Variants in ABCA7 observed in about 807,000 individuals in gnomAD.
ABCA7 encodes phospholipid-transporting ATPase ABCA7.
A neutral mutation model predicts 227.6 loss-of-function variants in ABCA7; 261 were observed. That is an observed-to-expected ratio of 1.15 (90% CI 1.04 to 1.27). ABCA7 has a LOEUF of 1.27. ABCA7 is among the 50% of genes most tolerant of loss of function. The pLI, the probability that ABCA7 is intolerant of heterozygous loss-of-function variation, is 0.00. For missense variants in ABCA7, 3,331 were observed against 2,924.5 expected (o/e 1.14, Z -3.21); for synonymous variants, 1,488 against 1,279.7 (o/e 1.16, Z -3.47).
chr19:1,046,083 G>C (rs1039963856), intron 12 of ABCA7, 147 bp from the exon 13 acceptor site: 1 of 892,996 alleles, frequency 1.1e-6, no homozygotes, highest in African/African-American at 1.7e-5. Flanking sequence ...ATCCCGGGAG[G>C]TCAAGGCTGC....
At chr19:1,048,494 CT>C (rs1194303605) in intron 16 of ABCA7, among the ~76,000 whole-genome samples, 1 of 50,166 alleles carries the variant, frequency 2.0e-5, no homozygotes, top group Non-Finnish European at 3.3e-5. Context: ...GAAACTCAGT[CT>C]CAAAAAAAAA....
intron 16 of ABCA7, 71 bp from the exon 17 acceptor site, chr19:1,048,815 AAAAAAAAAC>A: frequency 2.5e-6 from 2 of 809,374 alleles, no homozygotes; most frequent in East Asian, 3.1e-5. Context: ...TCTCAAAAAA[AAAAAAAAAC>A]AAAACCCCAA....
chr19:1,052,134 C>A lies in ABCA7; in HGVS notation c.3147+8C>A, dbSNP rs113052602. The A allele has an allele frequency of 3.7e-6, 6 of 1,611,522 alleles. No individual in the cohort carries two copies. Among genetic ancestry groups the A allele is most frequent in the Non-Finnish European group, 5.1e-6 (6 of 1,179,504 alleles). On this transcript the variant is annotated splice_region_variant and intron_variant, in intron 22 of 46. Coordinates refer to ENST00000263094, the MANE Select transcript of ABCA7 (RefSeq NM_019112.4). ...CTGACCACCAATGAGAAGGTGGGGA[C>A]CGGCCTTCTCCTGACCCCTGACCCC...
intron 13 of ABCA7, 45 bp from the exon 14 acceptor site, chr19:1,046,757 T>C: frequency 1.3e-6 from 2 of 1,487,854 alleles, no homozygotes; most frequent in East Asian, 5.0e-5. Flanking sequence ...GGAGGGGGGG[T>C]CTGCGGAGGG....
At chr19:1,055,496 C>CCA in intron 30 of ABCA7, 145 bp downstream of exon 30, 25 of 800,328 alleles carry the variant, frequency 3.1e-5, no homozygotes, top group Admixed American at 4.1e-5. Context: ...ACCTTCCTTT[C>CCA]CTCTTTTTTT....
chr19:1,055,963 T>A, intron 31 of ABCA7, 24 bp downstream of exon 31: 1 of 1,577,240 alleles, frequency 6.3e-7, no homozygotes, highest in Non-Finnish European at 8.6e-7. Flanking sequence ...TAGCTTGGGG[T>A]CCCCTGCCCC....
rs541206453 is a variant in ABCA7, at chr19:1,041,955, C to T, written c.285C>T (p.Ser95=). 2 of 1,587,498 alleles carry T rather than the reference C, an allele frequency of 1.3e-6. No homozygotes were observed. The highest frequency in any genetic ancestry group is 1.4e-5 in the African/African-American group (1 of 74,056). Residue 95 remains serine, a synonymous_variant, in exon 4 of 47, where the codon AGC becomes AGT. Transcript: ENST00000263094. ...CGGGCGAGGAGCCCGGGCGCCTGAGCAACTTCAACGACTCCCTGTGAGCCA... is the reference window on the plus strand; with the variant it reads ...CGGGCGAGGAGCCCGGGCGCCTGAGTAACTTCAACGACTCCCTGTGAGCCA... The part of the protein sequence containing the change: ...LTPGEEPGRL[S]NFNDSLVSRL...
At chr19:1,061,422 T>C (rs1384807306) in intron 40 of ABCA7, among the ~76,000 whole-genome samples, 1 of 111,560 alleles carries the variant, frequency 9.0e-6, no homozygotes, top group Admixed American at 9.3e-5. Context: ...AGAGGCTGGG[T>C]GCCGTGGCTC....
Position 1,045,124 on chromosome 19 carries a change from T to C in ABCA7, c.1338T>C (p.Ser446=). The change falls in exon 12 of 47, where the codon TCT becomes TCC. Residue 446 remains serine (S), a synonymous_variant. Transcript: ENST00000263094. ...AGVVFLGPED[S]SDPTEHPTPD... Reference sequence around the variant, plus strand: ...TCGTCTTCTTGGGACCTGAGGACTCTTCAGACCCCACAGAGCACCCAACCC... The same window carrying C: ...TCGTCTTCTTGGGACCTGAGGACTCCTCAGACCCCACAGAGCACCCAACCC... 6.2e-7 allele frequency: 1 copy of C among 1,612,914 alleles called. No homozygotes were observed. The highest frequency in any genetic ancestry group is 8.5e-7 in the Non-Finnish European group (1 of 1,179,984).
Position 1,057,966 on chromosome 19 carries a change from C to T in ABCA7, c.4932C>T (p.Pro1644=), listed in dbSNP as rs773974306. ...CAGCCTCCTTCTTCTTCTCCGTGCCCAGCACAGCCTATGTGGTGCTCACCT... is the reference window on the plus strand; with the variant it reads ...CAGCCTCCTTCTTCTTCTCCGTGCCTAGCACAGCCTATGTGGTGCTCACCT... ...MYPASFFFSV[P]STAYVVLTCI... is the part of the protein sequence containing the mutation. Residue 1644 remains proline (P), a synonymous_variant, in exon 36 of 47, where the codon CCC becomes CCT. Transcript: ENST00000263094. The T allele has an allele frequency of 6.2e-6, 10 of 1,614,028 alleles. No homozygotes were observed. Among genetic ancestry groups the T allele is most frequent in the South Asian group, 3.3e-5 (3 of 91,080 alleles).
intron 40 of ABCA7, among the ~76,000 whole-genome samples, chr19:1,060,981 C>T (rs932943005): frequency 2.0e-5 from 3 of 152,182 alleles, no homozygotes; most frequent in Non-Finnish European, 4.4e-5. Context: ...TTATAGGGTA[C>T]CCACTGTGTG....
intron 3 of ABCA7, 110 bp downstream of exon 3, chr19:1,041,713 T>C: frequency 6.3e-7 from 1 of 1,577,274 alleles, no homozygotes; most frequent in Non-Finnish European, 8.6e-7. Context: ...AGGCCGCCAA[T>C]ACATGGCATG....
In ABCA7 at chr19:1,043,712, G is replaced by A. The variant is rs764418887; in HGVS notation, c.931-13G>A. ...GAGGAGAGGGTCATCAGTGGAGGGG[G>A]TGCTGTCCACAGGTGAACCGGACCT... On this transcript the variant is annotated splice_polypyrimidine_tract_variant and intron_variant, in intron 9 of 46. Transcript: ENST00000263094. 6.2e-7 allele frequency: 1 copy of A among 1,607,742 alleles called. No homozygotes were observed. Among genetic ancestry groups the A allele is most frequent in the Non-Finnish European group, 8.5e-7 (1 of 1,178,900 alleles).
In ABCA7 at chr19:1,054,523, A is replaced by G. The variant is rs927936946; in HGVS notation, c.3727-47A>G. ...GCAGGAGCAGGGACAGGTGCAAGCAAGCCTGGAGGGTGGATGGAAGCAGCA... is the reference window on the plus strand; with the variant it reads ...GCAGGAGCAGGGACAGGTGCAAGCAGGCCTGGAGGGTGGATGGAAGCAGCA... On this transcript the variant is annotated intron_variant, in intron 27 of 46. Transcript: ENST00000263094. This position sits in a 1 kb window ranked among gnomAD's most constrained non-coding sequence, Gnocchi z 4.8. The G allele has an allele frequency of 6.3e-7, 1 of 1,593,812 alleles. No individual in the cohort carries two copies. The highest frequency in any genetic ancestry group is 8.6e-7 in the Non-Finnish European group (1 of 1,168,360).
intron 12 of ABCA7, 137 bp downstream of exon 12, chr19:1,045,368 A>G: frequency 5.4e-6 from 5 of 926,558 alleles, no homozygotes; most frequent in African/African-American, 3.3e-5. Context: ...TATGGTAGCC[A>G]GAGCCCGGGG....
rs536820757 is a variant in ABCA7, at chr19:1,049,288, C to T, written c.2403C>T (p.Pro801=). 50 of 1,609,114 alleles carry T rather than the reference C, an allele frequency of 3.1e-5. No homozygotes were observed. The highest frequency in any genetic ancestry group is 5.0e-5 in the Admixed American group (3 of 59,762). ...DPKVLVEEAP[P]GLSPGVSVRS... Reference sequence around the variant, plus strand: ...CAGTGCTGGTAGAAGAGGCACCGCCCGGCCTGAGTCCTGGCGTCTCCGTTC... The same window carrying T: ...CAGTGCTGGTAGAAGAGGCACCGCCTGGCCTGAGTCCTGGCGTCTCCGTTC... Residue 801 remains proline, a synonymous_variant, in exon 18 of 47, where the codon CCC becomes CCT. Transcript: ENST00000263094.
intron 16 of ABCA7, among the ~76,000 whole-genome samples, chr19:1,048,510 C>CAA (rs76143039): frequency 1.9e-5 from 1 of 52,158 alleles, no homozygotes; most frequent in Non-Finnish European, 3.5e-5. Context: ...AAAAAAAAAA[C>CAA]AAAAAAAAAA....
At chr19:1,050,857 A>G in intron 18 of ABCA7, 64 bp from the exon 19 acceptor site, 1 of 1,269,980 alleles carries the variant, frequency 7.9e-7, no homozygotes, top group Non-Finnish European at 1.0e-6. Flanking sequence ...AATTAAAAAT[A>G]GAAGCTCTGT....
chr19:1,060,045 A>T (rs916716745), intron 40 of ABCA7, among the ~76,000 whole-genome samples: 4 of 152,176 alleles, frequency 2.6e-5, no homozygotes, highest in South Asian at 4.1e-4. Context: ...GCACTTGCTC[A>T]CAGCCAGCAT....
Sources: gnomAD v4.1 joint callset for allele counts (sites outside exome capture counted in the v4.1 genomes callset) on GRCh38, gnomAD v4.1.1 for gene constraint, Gnocchi (gnomAD v3.1) non-coding constraint, MANE v1.5 for transcripts, NCBI Gene and HGNC (gene_info 2026-07-23, HGNC 2026-07-21) for gene names.